Variants in RIMBP2 observed in about 807,000 individuals in gnomAD.
The protein encoded by RIMBP2 is RIMS-binding protein 2.
RIMBP2 carries 48 observed loss-of-function variants against 118.6 expected under a neutral mutation model. The observed-to-expected ratio is 0.40, with a 90% CI of 0.32 to 0.51. The LOEUF (loss-of-function observed/expected upper bound fraction) is 0.51, where lower values mean the gene tolerates loss of function less well. RIMBP2 is among the 20% of genes least tolerant of loss of function. The pLI is 0.41. For synonymous variants in RIMBP2, 762 were observed against 742.9 expected (o/e 1.03, Z -0.42); for missense variants, 1,551 against 1,768.3 (o/e 0.88, Z 2.20).
chr12:130,591,577 G>A (rs1160088020), intron 2 of RIMBP2, among the ~76,000 whole-genome samples: 1 of 152,146 alleles, frequency 6.6e-6, no homozygotes, highest in East Asian at 1.9e-4. Context: ...GAGGCTCCGG[G>A]GAGGGGCGGG....
chr12:130,526,533 T>C lies in RIMBP2; in HGVS notation c.-216-8616A>G, dbSNP rs371349660. Among the ~76,000 whole-genome samples, 223 of 152,360 alleles carry C rather than the reference T, an allele frequency of 1.5e-3. 3 individuals are homozygous for C. Among genetic ancestry groups the C allele is most frequent in the South Asian group, 0.013 (64 of 4,826 alleles). On this transcript the variant is annotated intron_variant, in intron 2 of 22. Transcript: ENST00000690449. ...TTTAAGTTAAATATCATATGACACA[T>C]TAAGTCACAGCGAGTTTGGGTTTTG...
At chr12:130,467,714 C>T (rs1019401316) in intron 6 of RIMBP2, among the ~76,000 whole-genome samples, 4 of 152,214 alleles carry the variant, frequency 2.6e-5, no homozygotes, top group Admixed American at 1.3e-4. Context: ...GAAGCCCCCG[C>T]TTCAAGTTGT....
chr12:130,701,273 G>T (rs1200467074), intron 1 of RIMBP2, among the ~76,000 whole-genome samples: 14 of 152,154 alleles, frequency 9.2e-5, no homozygotes, highest in Non-Finnish European at 2.1e-4. Flanking sequence ...AACACAGCGG[G>T]GTGGACAGCT....
chr12:130,441,552 A>G (rs2078142021), intron 11 of RIMBP2, among the ~76,000 whole-genome samples: 1 of 152,096 alleles, frequency 6.6e-6, no homozygotes, highest in Non-Finnish European at 1.5e-5. Flanking sequence ...GTGACACGGA[A>G]GATGTAACCG....
At chr12:130,567,467 G>C (rs997531700) in intron 2 of RIMBP2, among the ~76,000 whole-genome samples, 3 of 152,182 alleles carry the variant, frequency 2.0e-5, no homozygotes, top group Admixed American at 6.5e-5. Context: ...AGCGTGTCTT[G>C]CCTCCTCTGG....
At chr12:130,458,467 T>C (rs977658819) in intron 6 of RIMBP2, among the ~76,000 whole-genome samples, 1 of 152,092 alleles carries the variant, frequency 6.6e-6, no homozygotes, top group Non-Finnish European at 1.5e-5. Flanking sequence ...GCTCTGACTC[T>C]GCTGGTTCAG....
rs2076496411 is a variant in RIMBP2, at chr12:130,422,729, C to A, written c.3130-168G>T. On this transcript the variant is annotated intron_variant, in intron 16 of 22. Coordinates refer to ENST00000690449, the MANE Select transcript of RIMBP2 (RefSeq NM_001393629.1). The surrounding 1 kb of genome is among the most constrained non-coding windows in gnomAD (Gnocchi z 5.2). ...CCTGGGAGAGAACAAAGCCGGGCACCAGCACCCCACTGTCTACTCGGAGCC... is the reference window on the plus strand; with the variant it reads ...CCTGGGAGAGAACAAAGCCGGGCACAAGCACCCCACTGTCTACTCGGAGCC... 6.6e-6 allele frequency among the ~76,000 whole-genome samples: 1 copy of A among 152,168 alleles called. No individual in the cohort carries two copies. Among genetic ancestry groups the A allele is most frequent in the Non-Finnish European group, 1.5e-5 (1 of 68,030 alleles).
intron 2 of RIMBP2, among the ~76,000 whole-genome samples, chr12:130,607,942 A>T (rs1288749143): frequency 6.6e-6 from 1 of 152,172 alleles, no homozygotes; most frequent in African/African-American, 2.4e-5. Context: ...TTGGAGGGCC[A>T]GGCGCAGAAG....
At chr12:130,441,823 AC>A in intron 11 of RIMBP2, 24 bp downstream of exon 11, 1 of 1,594,642 alleles carries the variant, frequency 6.3e-7, no homozygotes, top group Non-Finnish European at 8.6e-7. Context: ...TCCCTGGGGG[AC>A]CCACGGAAGG....
intron 4 of RIMBP2, among the ~76,000 whole-genome samples, chr12:130,496,527 G>A (rs1317846778): frequency 6.6e-6 from 1 of 152,172 alleles, no homozygotes; most frequent in Non-Finnish European, 1.5e-5. Context: ...TGCGAGGGGT[G>A]AGGCTCCATC....
At chr12:130,585,316 C>G (rs112209069) in intron 2 of RIMBP2, among the ~76,000 whole-genome samples, 2,477 of 152,168 alleles carry the variant, frequency 0.016, 66 homozygotes, top group African/African-American at 0.056. Context: ...TGGGGAGATG[C>G]CTTTTGGACG....
In RIMBP2 at chr12:130,621,367, C is replaced by T. The variant is rs1185085564; in HGVS notation, c.-217+6955G>A. Among the ~76,000 whole-genome samples, 1 of 152,092 alleles carries T rather than the reference C, an allele frequency of 6.6e-6. No homozygotes were observed. The highest frequency in any genetic ancestry group is 2.4e-5 in the African/African-American group (1 of 41,410). The stretch of plus-strand genomic sequence containing the variant: ...CCAGGCCTGTGAACTCCAAGTGCAC[C>T]ATTAAGGGACTCTGATTAAAGACTG... On this transcript the variant is annotated intron_variant, in intron 2 of 22. Coordinates refer to ENST00000690449, the MANE Select transcript of RIMBP2 (RefSeq NM_001393629.1). This position sits in a 1 kb window ranked among gnomAD's most constrained non-coding sequence, Gnocchi z 6.6.
chr12:130,467,607 A>G (rs921129914), intron 6 of RIMBP2, among the ~76,000 whole-genome samples: 3 of 152,216 alleles, frequency 2.0e-5, no homozygotes, highest in Non-Finnish European at 4.4e-5. Context: ...CTCTGCATGA[A>G]TTACTCTTTC....
intron 6 of RIMBP2, among the ~76,000 whole-genome samples, chr12:130,460,193 G>C (rs140948200): frequency 9.6e-4 from 146 of 152,250 alleles, no homozygotes; most frequent in African/African-American, 3.3e-3. Context: ...CATCAGGGCC[G>C]GGTTCCCTCT....
Position 130,641,615 on chromosome 12 carries a change from C to T in RIMBP2, c.-351-13159G>A, listed in dbSNP as rs141323467. Reference sequence around the variant, plus strand: ...CTAATCAGCCTCATGGGCAGAGAGCCCCTCATTAGTGCCTGGGAATTAACT... The same window carrying T: ...CTAATCAGCCTCATGGGCAGAGAGCTCCTCATTAGTGCCTGGGAATTAACT... On this transcript the variant is annotated intron_variant, in intron 1 of 22. Coordinates refer to ENST00000690449, the MANE Select transcript of RIMBP2 (RefSeq NM_001393629.1). Among the ~76,000 whole-genome samples the T allele has an allele frequency of 9.8e-5, 15 of 152,342 alleles. No individual in the cohort carries two copies. The East Asian group carries it at 2.7e-3, about 27-fold the overall frequency.
At chr12:130,649,129 G>C (rs563344679) in intron 1 of RIMBP2, among the ~76,000 whole-genome samples, 1 of 146,112 alleles carries the variant, frequency 6.8e-6, no homozygotes, top group Non-Finnish European at 1.6e-5. Context: ...GGTGGGTATG[G>C]AGGTGGGTAC....
intron 2 of RIMBP2, among the ~76,000 whole-genome samples, chr12:130,618,024 T>TTTACCAAAAAAAAAATAAAAAAAA: frequency 1.5e-5 from 1 of 65,826 alleles, no homozygotes; most frequent in African/African-American, 5.5e-5. Flanking sequence ...AGACCTCTTC[T>TTTACCAAAAAAAAAATAAAAAAAA]AAAAAAAAAA....
rs1699266523 is a variant in RIMBP2 at position 130,620,539 on chromosome 12, CA to C, written c.-217+7782del. On this transcript the variant is annotated intron_variant, in intron 2 of 22. Coordinates refer to ENST00000690449, the MANE Select transcript of RIMBP2 (RefSeq NM_001393629.1). This position sits in a 1 kb window ranked among gnomAD's most constrained non-coding sequence, Gnocchi z 5.3. ...ACAGGCATGCACGGCCCCACAGTCC[CA>C]GGGGCCAGATGCCCAAGCTCGGGGT... Among the ~76,000 whole-genome samples, 1 of 152,210 alleles carries C rather than the reference CA, an allele frequency of 6.6e-6. No homozygotes were observed. Among genetic ancestry groups the C allele is most frequent in the South Asian group, 2.1e-4 (1 of 4,830 alleles).
chr12:130,506,490 C>A (rs1249480740), intron 4 of RIMBP2, among the ~76,000 whole-genome samples, 158 bp downstream of exon 4: 2 of 152,116 alleles, frequency 1.3e-5, no homozygotes, highest in Non-Finnish European at 2.9e-5. Flanking sequence ...GCTTTTTATA[C>A]CACAAAAAGG....
Sources: gnomAD v4.1 joint callset for allele counts (sites outside exome capture counted in the v4.1 genomes callset) on GRCh38, gnomAD v4.1.1 for gene constraint, Gnocchi (gnomAD v3.1) non-coding constraint, MANE v1.5 for transcripts, NCBI Gene and HGNC (gene_info 2026-07-23, HGNC 2026-07-21) for gene names.